The following HACD2 variants were observed in gnomAD, a reference collection of about 807,000 sequenced individuals.
HACD2 encodes very-long-chain (3R)-3-hydroxyacyl-CoA dehydratase 2.
HACD2 carries 15 observed loss-of-function variants against 31.0 expected under a neutral mutation model. That is an observed-to-expected ratio of 0.48 (90% confidence interval 0.32 to 0.75). The LOEUF is 0.75. Among genes scored for constraint, HACD2 ranks in the 30% least tolerant of loss-of-function variants. HACD2 has a pLI of 0.03. For synonymous variants in HACD2, 115 were observed against 122.2 expected (o/e 0.94, Z 0.39); for missense variants, 283 against 313.0 (o/e 0.90, Z 0.72).
At position 123,559,578 on chromosome 3, in the gene HACD2, C is replaced by T. The variant is rs907058820; in HGVS notation, c.292+8184G>A. On this transcript the variant is annotated intron_variant, in intron 3 of 6. Coordinates refer to ENST00000383657, the MANE Select transcript of HACD2 (RefSeq NM_198402.5). ...TGCCCTCGTTTTTCACATGTGGAAA[C>T]TAGGCCCAGAGGGAAGGTGTCTGAC... is the stretch of plus-strand genomic sequence containing the variant. Among the ~76,000 whole-genome samples, 17 of 152,204 alleles carry T rather than the reference C, an allele frequency of 1.1e-4. 1 individual carries two copies. Among genetic ancestry groups the T allele is most frequent in the Non-Finnish European group, 2.4e-4 (16 of 68,042 alleles).
At chr3:123,516,451 G>A (rs1444010408) in intron 4 of HACD2, among the ~76,000 whole-genome samples, 4 of 151,202 alleles carry the variant, frequency 2.6e-5, no homozygotes, top group Non-Finnish European at 5.9e-5. Context: ...AGCCAGGATG[G>A]TCTCGATCTT....
intron 4 of HACD2, among the ~76,000 whole-genome samples, chr3:123,503,708 C>CAAAAAAAAA (rs398038348): frequency 1.0e-5 from 1 of 97,468 alleles, no homozygotes; most frequent in East Asian, 2.7e-4. Flanking sequence ...TTCCATGCAT[C>CAAAAAAAAA]AAAAAAAAAA....
At chr3:123,574,302 T>C (rs536273560) in intron 2 of HACD2, among the ~76,000 whole-genome samples, 3 of 152,364 alleles carry the variant, frequency 2.0e-5, no homozygotes, top group South Asian at 2.1e-4. Flanking sequence ...CCTGCTTTTC[T>C]TGACACTTGG....
At chr3:123,531,387 T>C (rs910199406) in intron 3 of HACD2, among the ~76,000 whole-genome samples, 3 of 152,160 alleles carry the variant, frequency 2.0e-5, no homozygotes, top group African/African-American at 7.2e-5. Context: ...TGGCACAATC[T>C]TGGCTCACTG....
chr3:123,508,964 T>C (rs1293675115), intron 4 of HACD2, among the ~76,000 whole-genome samples: 1 of 152,126 alleles, frequency 6.6e-6, no homozygotes. Context: ...GCTAATCCCA[T>C]CGTGAGGGCT....
chr3:123,564,554 A>G (rs892813240), intron 3 of HACD2, among the ~76,000 whole-genome samples: 45 of 152,322 alleles, frequency 3.0e-4, no homozygotes, highest in Non-Finnish European at 5.7e-4. Context: ...CTTAGAATCC[A>G]GTAGACATTG....
chr3:123,508,220 G>A (rs768731389), intron 4 of HACD2, among the ~76,000 whole-genome samples: 2 of 152,136 alleles, frequency 1.3e-5, no homozygotes, highest in Non-Finnish European at 2.9e-5. Context: ...ATAGGGGAGC[G>A]GGTACCATGA....
chr3:123,569,451 C>T (rs568901497), intron 2 of HACD2, among the ~76,000 whole-genome samples: 1 of 152,314 alleles, frequency 6.6e-6, no homozygotes, highest in South Asian at 2.1e-4. Flanking sequence ...ACCTCAACCT[C>T]CTTGGACTCA....
At chr3:123,581,900 G>T (rs150414893) in intron 2 of HACD2, among the ~76,000 whole-genome samples, 144 of 152,172 alleles carry the variant, frequency 9.5e-4, no homozygotes, top group African/African-American at 3.4e-3. Context: ...CATAAACCCT[G>T]AAAGCATCTG....
intron 4 of HACD2, among the ~76,000 whole-genome samples, chr3:123,504,773 T>C (rs1306184422): frequency 1.3e-5 from 2 of 152,210 alleles, no homozygotes; most frequent in African/African-American, 4.8e-5. Flanking sequence ...TTGTGCAAAA[T>C]CATTTCTTCC....
At chr3:123,582,761 C>G (rs1440968141) in intron 1 of HACD2, among the ~76,000 whole-genome samples, 1 of 151,998 alleles carries the variant, frequency 6.6e-6, no homozygotes, top group Non-Finnish European at 1.5e-5. Flanking sequence ...ATGCTTTAAA[C>G]TATTGTTATA....
At chr3:123,524,264 C>T (rs1257343149) in intron 4 of HACD2, among the ~76,000 whole-genome samples, 6 of 152,164 alleles carry the variant, frequency 3.9e-5, no homozygotes, top group Non-Finnish European at 8.8e-5. Flanking sequence ...TCCCTGGTCC[C>T]ACTCCCAGAC....
chr3:123,573,478 C>T (rs2056876229), intron 2 of HACD2, among the ~76,000 whole-genome samples: 1 of 152,150 alleles, frequency 6.6e-6, no homozygotes, highest in Non-Finnish European at 1.5e-5. Flanking sequence ...TTCAATTCAG[C>T]TCCACTAGAG....
intron 3 of HACD2, among the ~76,000 whole-genome samples, chr3:123,565,898 A>G (rs2056786228): frequency 6.6e-6 from 1 of 152,224 alleles, no homozygotes; most frequent in South Asian, 2.1e-4. Context: ...AGACTGCACA[A>G]AAGTTTAATA....
At chr3:123,508,597 T>C (rs1012111274) in intron 4 of HACD2, among the ~76,000 whole-genome samples, 1 of 152,256 alleles carries the variant, frequency 6.6e-6, no homozygotes. Context: ...ACCCGCTGCT[T>C]ACTGCGCTGG....
chr3:123,568,637 A>G (rs2056820596), intron 2 of HACD2, among the ~76,000 whole-genome samples: 1 of 151,876 alleles, frequency 6.6e-6, no homozygotes, highest in African/African-American at 2.4e-5. Context: ...TCCCCTTCCA[A>G]CTCATCCTTA....
intron 3 of HACD2, among the ~76,000 whole-genome samples, chr3:123,541,697 T>G (rs2056492391): frequency 1.3e-5 from 2 of 152,320 alleles, no homozygotes; most frequent in South Asian, 4.1e-4. Flanking sequence ...TTGCCAAGCT[T>G]ACATAGATAG....
intron 3 of HACD2, among the ~76,000 whole-genome samples, chr3:123,554,871 G>A (rs1460502815): frequency 6.6e-6 from 1 of 152,150 alleles, no homozygotes; most frequent in Non-Finnish European, 1.5e-5. Flanking sequence ...TTTTTTAAAT[G>A]CTAAAGTCAC....
chr3:123,561,311 G>A (rs1487373347), intron 3 of HACD2, among the ~76,000 whole-genome samples: 1 of 152,092 alleles, frequency 6.6e-6, no homozygotes, highest in African/African-American at 2.4e-5. Context: ...TTTTAATAAA[G>A]TGTCTTCTGT....
Sources: allele counts gnomAD v4.1 joint callset (sites outside exome capture counted in the v4.1 genomes callset), GRCh38; gene constraint gnomAD v4.1.1; transcripts MANE v1.5; gene names NCBI Gene and HGNC (gene_info 2026-07-23, HGNC 2026-07-21).